The following KIF3B variants were observed in gnomAD, a reference collection of about 807,000 sequenced individuals.
KIF3B encodes kinesin family member 3B, also known as kinesin-like protein KIF3B.
KIF3B carries 38 observed loss-of-function variants against 74.3 expected under a neutral mutation model. The ratio of observed to expected loss-of-function variants is 0.51; its 90% CI spans 0.39 to 0.67. The LOEUF is 0.67. KIF3B is among the 30% of genes least tolerant of loss of function. The pLI, the probability that KIF3B is intolerant of heterozygous loss-of-function variation, is 0.00. For missense variants in KIF3B, 649 were observed against 932.0 expected, an observed-to-expected ratio of 0.70 and a Z score of 3.95; for synonymous variants, 326 against 342.5, an observed-to-expected ratio of 0.95 and a Z score of 0.53.
intron 1 of KIF3B, among the ~76,000 whole-genome samples, chr20:32,301,316 C>T (rs747547675): frequency 7.9e-5 from 12 of 151,860 alleles, no homozygotes; most frequent in Non-Finnish European, 1.0e-4. Context: ...ACGCCCGCCT[C>T]GGCCTCCCAA....
intron 5 of KIF3B, among the ~76,000 whole-genome samples, chr20:32,323,094 T>TTTA (rs2047882171): frequency 1.0e-4 from 7 of 66,872 alleles, no homozygotes; most frequent in African/African-American, 4.1e-4. Context: ...ATATTTATAT[T>TTTA]TATATATTTA....
chr20:32,323,223 A>G (rs2047885114), intron 5 of KIF3B, among the ~76,000 whole-genome samples: 1 of 138,800 alleles, frequency 7.2e-6, no homozygotes, highest in African/African-American at 2.7e-5. Context: ...TTGTCTACAC[A>G]ATGATATTTT....
intron 1 of KIF3B, among the ~76,000 whole-genome samples, chr20:32,284,458 G>A (rs1168435141): frequency 6.6e-6 from 1 of 152,166 alleles, no homozygotes; most frequent in African/African-American, 2.4e-5. Flanking sequence ...TGTGTTCTCT[G>A]TGACAGATGT....
At chr20:32,300,341 G>A (rs570577974) in intron 1 of KIF3B, among the ~76,000 whole-genome samples, 2 of 151,336 alleles carry the variant, frequency 1.3e-5, no homozygotes, top group African/African-American at 2.4e-5. Flanking sequence ...GCAGTGGTGC[G>A]ATCTCCACTC....
intron 5 of KIF3B, among the ~76,000 whole-genome samples, chr20:32,317,825 G>C (rs920299929): frequency 6.6e-6 from 1 of 151,970 alleles, no homozygotes; most frequent in Non-Finnish European, 1.5e-5. Flanking sequence ...AAATTTTATA[G>C]AGATAGAGTC....
intron 5 of KIF3B, among the ~76,000 whole-genome samples, chr20:32,319,887 A>G (rs1435581474): frequency 3.3e-5 from 5 of 149,434 alleles, no homozygotes; most frequent in Non-Finnish European, 7.4e-5. Flanking sequence ...TGTCCAGCCA[A>G]TAATTAAGTT....
At chr20:32,281,214 G>A (rs2047641495) in intron 1 of KIF3B, among the ~76,000 whole-genome samples, 1 of 152,186 alleles carries the variant, frequency 6.6e-6, no homozygotes, top group Admixed American at 6.5e-5. Flanking sequence ...AGGAAGGTAA[G>A]GTGCAGATTA....
At chr20:32,280,736 AAAAAG>A (rs2047639143) in intron 1 of KIF3B, among the ~76,000 whole-genome samples, 1 of 151,132 alleles carries the variant, frequency 6.6e-6, no homozygotes, top group Admixed American at 6.6e-5. Flanking sequence ...AAAAAAAAAA[AAAAAG>A]AAAGAAAGAT....
chr20:32,331,888 T>A lies in KIF3B; in HGVS notation c.*569T>A, dbSNP rs2047932258. ...GGCACCATCAGCAGTCTTGCTTCCA[T>A]GCACCTCAGTAAGAAGTGGATCTGC... On this transcript the variant is annotated 3_prime_UTR_variant, in exon 9 of 9. Transcript: ENST00000375712. 1 of 153,102 alleles carries A rather than the reference T, an allele frequency of 6.5e-6. No homozygotes were observed. Among genetic ancestry groups the A allele is most frequent in the South Asian group, 2.1e-4 (1 of 4,850 alleles). 9.5% of individuals were successfully genotyped at this position (153,102 alleles called of 1,614,324 possible). A position where few individuals can be genotyped will look rare whatever the true frequency, so the allele number is the denominator to read the frequency against.
At chr20:32,280,010 CT>C (rs948791812) in intron 1 of KIF3B, among the ~76,000 whole-genome samples, 1 of 152,140 alleles carries the variant, frequency 6.6e-6, no homozygotes, top group African/African-American at 2.4e-5. Context: ...GATGAGAGGA[CT>C]TTTTGGTAAG....
At chr20:32,282,513 C>A in intron 1 of KIF3B, among the ~76,000 whole-genome samples, 1 of 151,968 alleles carries the variant, frequency 6.6e-6, no homozygotes, top group Non-Finnish European at 1.5e-5. Context: ...TAGCCAGGTG[C>A]AACTGATTGA....
intron 1 of KIF3B, among the ~76,000 whole-genome samples, chr20:32,279,467 CTT>C (rs769199761): frequency 5.7e-5 from 8 of 139,764 alleles, no homozygotes; most frequent in Non-Finnish European, 1.1e-4. Context: ...TAGTTGGAAT[CTT>C]TTTTTTTTTT....
intron 1 of KIF3B, among the ~76,000 whole-genome samples, chr20:32,292,798 C>T (rs2047699404): frequency 6.6e-6 from 1 of 151,750 alleles, no homozygotes; most frequent in Non-Finnish European, 1.5e-5. Context: ...TCTTAAAAAA[C>T]AATAGAATGT....
intron 1 of KIF3B, among the ~76,000 whole-genome samples, chr20:32,302,781 G>T (rs1202562072): frequency 6.6e-6 from 1 of 152,140 alleles, no homozygotes; most frequent in African/African-American, 2.4e-5. Context: ...GGCGTCTGTT[G>T]AAATGGAGGG....
At chr20:32,295,367 A>T (rs977318927) in intron 1 of KIF3B, among the ~76,000 whole-genome samples, 3 of 150,946 alleles carry the variant, frequency 2.0e-5, no homozygotes, top group Non-Finnish European at 3.0e-5. Flanking sequence ...ATCTCAGCTC[A>T]CTGCAAGCTC....
intron 1 of KIF3B, among the ~76,000 whole-genome samples, chr20:32,293,882 T>C (rs1314818150): frequency 6.6e-6 from 1 of 152,154 alleles, no homozygotes; most frequent in East Asian, 1.9e-4. Context: ...TTTAAAAATA[T>C]ATGGGTTTAT....
In KIF3B at chr20:32,333,066, G is replaced by T. The variant is rs997928251; in HGVS notation, c.*1747G>T. ...ATGTCTTAGCATTCTGCAAAATGGA[G>T]ATCTGTTGTCCAGCGGCTTATCTCC... is the stretch of plus-strand genomic sequence containing the variant. On this transcript the variant is annotated 3_prime_UTR_variant, in exon 9 of 9. Transcript: ENST00000375712. 1 of 152,622 alleles carries T rather than the reference G, an allele frequency of 6.6e-6. No homozygotes were observed. Among genetic ancestry groups the T allele is most frequent in the Non-Finnish European group, 1.5e-5 (1 of 68,038 alleles). 9.5% of individuals were successfully genotyped at this position (152,622 alleles called of 1,614,324 possible).
chr20:32,330,935 C>T lies in KIF3B; in HGVS notation c.2148-288C>T, dbSNP rs184587368. On this transcript the variant is annotated intron_variant, in intron 8 of 8. Coordinates refer to ENST00000375712, the MANE Select transcript of KIF3B (RefSeq NM_004798.4). ...AAATGGAAGAAATTCTACCTGCAAACTTAATATTTTTTTATCAATCAGGGA... is the reference window on the plus strand; with the variant it reads ...AAATGGAAGAAATTCTACCTGCAAATTTAATATTTTTTTATCAATCAGGGA... Among the ~76,000 whole-genome samples the T allele has an allele frequency of 4.6e-5, 7 of 152,300 alleles. No homozygotes were observed. The East Asian group carries it at 1.4e-3, about 29-fold the overall frequency.
intron 1 of KIF3B, among the ~76,000 whole-genome samples, chr20:32,287,074 G>A (rs549153100): frequency 2.0e-5 from 3 of 152,276 alleles, no homozygotes; most frequent in African/African-American, 7.2e-5. Flanking sequence ...TATATTTTTA[G>A]AAAGTTGTAT....
Sources: gnomAD v4.1 joint callset for allele counts (sites outside exome capture counted in the v4.1 genomes callset) on GRCh38, gnomAD v4.1.1 for gene constraint, MANE v1.5 for transcripts, NCBI Gene and HGNC (gene_info 2026-07-23, HGNC 2026-07-21) for gene names.